PREX2: variants seen among roughly 807,000 people sequenced by gnomAD.
PREX2 encodes the protein phosphatidylinositol 3,4,5-trisphosphate-dependent Rac exchanger 2 protein.
Under a neutral mutation model 203.2 loss-of-function variants are expected in PREX2, and 107 were observed. The ratio of observed to expected loss-of-function variants is 0.53; its 90% CI spans 0.45 to 0.62. The LOEUF (loss-of-function observed/expected upper bound fraction) is 0.62, where lower values mean the gene tolerates loss of function less well. PREX2 is among the 20% of genes least tolerant of loss of function. PREX2 has a pLI of 0.00. For missense variants in PREX2, 1,777 were observed against 1,955.9 expected, an observed-to-expected ratio of 0.91 and a Z score of 1.72; for synonymous variants, 672 against 663.6, an observed-to-expected ratio of 1.01 and a Z score of -0.19.
intron 37 of PREX2, among the ~76,000 whole-genome samples, chr8:68,212,613 T>C (rs1171896504): frequency 6.6e-6 from 1 of 152,242 alleles, no homozygotes; most frequent in Non-Finnish European, 1.5e-5. Context: ...TTTTGTTACT[T>C]TATGAACTGC....
At chr8:68,129,953 T>A (rs1810969859) in intron 31 of PREX2, among the ~76,000 whole-genome samples, 1 of 151,642 alleles carries the variant, frequency 6.6e-6, no homozygotes, top group Admixed American at 6.6e-5. Context: ...CAGATGTGAT[T>A]TTTGCTGTAG....
chr8:68,181,525 C>T (rs1416139815), intron 35 of PREX2, among the ~76,000 whole-genome samples: 1 of 152,046 alleles, frequency 6.6e-6, no homozygotes, highest in African/African-American at 2.4e-5. Flanking sequence ...AGGGTAGAGA[C>T]CTGGTTTGTC....
intron 19 of PREX2, among the ~76,000 whole-genome samples, chr8:68,088,102 T>C (rs1283441525): frequency 2.3e-4 from 35 of 152,226 alleles, no homozygotes; most frequent in Non-Finnish European, 1.2e-4. Flanking sequence ...ATTTGTATTT[T>C]TCTTGATTTC....
At chr8:68,018,501 A>T (rs1807470298) in intron 2 of PREX2, among the ~76,000 whole-genome samples, 1 of 152,048 alleles carries the variant, frequency 6.6e-6, no homozygotes, top group Non-Finnish European at 1.5e-5. Context: ...AATGAATTGG[A>T]GGCTAAGAAC....
At chr8:68,209,523 A>G (rs62520563) in intron 37 of PREX2, among the ~76,000 whole-genome samples, 2,057 of 152,282 alleles carry the variant, frequency 0.014, 29 homozygotes, top group Non-Finnish European at 0.018. Flanking sequence ...CCTTATATAC[A>G]TAATCTCTGA....
intron 1 of PREX2, 146 bp downstream of exon 1, chr8:67,952,681 C>G (rs1483024929): frequency 8.7e-7 from 1 of 1,151,704 alleles, no homozygotes; most frequent in African/African-American, 1.5e-5. Flanking sequence ...CACGTGTGGA[C>G]TCTGCGTTCG....
At chr8:68,210,622 G>T (rs924838966) in intron 37 of PREX2, among the ~76,000 whole-genome samples, 1 of 152,200 alleles carries the variant, frequency 6.6e-6, no homozygotes. Flanking sequence ...CTCCCCAAGT[G>T]CTCAATAAAA....
In PREX2 at chr8:68,235,283, G is replaced by A. The variant is rs1377566996; in HGVS notation, c.*3905G>A. ...TACTTTACATTTTACTTTAAAGGTC[G>A]TTTTTAGACTTTATGCACTAGTGGT... On this transcript the variant is annotated 3_prime_UTR_variant, in exon 40 of 40. Coordinates refer to ENST00000288368, the MANE Select transcript of PREX2 (RefSeq NM_024870.4). 6.6e-6 allele frequency: 1 copy of A among 151,930 alleles called. No individual in the cohort carries two copies. The highest frequency in any genetic ancestry group is 2.4e-5 in the African/African-American group (1 of 41,364). The allele number at this position is 151,930 out of a possible 1,614,324, so 9.4% of individuals were successfully genotyped here.
intron 30 of PREX2, among the ~76,000 whole-genome samples, chr8:68,125,395 C>A (rs1810866249): frequency 6.6e-6 from 1 of 152,040 alleles, no homozygotes; most frequent in Admixed American, 6.6e-5. Flanking sequence ...TCAAAATACC[C>A]CATCTGTTAT....
chr8:67,976,686 G>C (rs1329923487), intron 1 of PREX2, among the ~76,000 whole-genome samples: 4 of 91,910 alleles, frequency 4.4e-5, no homozygotes, highest in Non-Finnish European at 6.8e-5. Flanking sequence ...AGAGACAGGA[G>C]AGAGACAGAG....
chr8:68,091,817 C>G (rs1190215427), intron 20 of PREX2, among the ~76,000 whole-genome samples: 1 of 152,068 alleles, frequency 6.6e-6, no homozygotes, highest in Non-Finnish European at 1.5e-5. Context: ...ATTTTCCCTG[C>G]CTACCCTCTT....
intron 15 of PREX2, 56 bp downstream of exon 15, chr8:68,077,525 G>A: frequency 8.7e-6 from 11 of 1,265,806 alleles, no homozygotes; most frequent in Non-Finnish European, 1.3e-5. Flanking sequence ...TTGGTTCTTA[G>A]GATACTGCAA....
intron 2 of PREX2, among the ~76,000 whole-genome samples, chr8:68,018,713 CTG>C (rs377502231): frequency 8.6e-4 from 130 of 151,830 alleles, no homozygotes; most frequent in African/African-American, 2.9e-3. Context: ...GGAAGGAAAA[CTG>C]TGAACAGTCT....
At chr8:68,129,716 T>C (rs1321884948) in intron 31 of PREX2, among the ~76,000 whole-genome samples, 1 of 152,132 alleles carries the variant, frequency 6.6e-6, no homozygotes, top group Admixed American at 6.6e-5. Context: ...TAGTGTAATT[T>C]AAAACATGTG....
At chr8:68,092,862 C>T (rs1809924162) in intron 20 of PREX2, among the ~76,000 whole-genome samples, 1 of 152,138 alleles carries the variant, frequency 6.6e-6, no homozygotes, top group African/African-American at 2.4e-5. Flanking sequence ...CTACGTTGCT[C>T]AGGTTGGTCT....
intron 25 of PREX2, among the ~76,000 whole-genome samples, chr8:68,110,295 C>T (rs1810511256): frequency 6.6e-6 from 1 of 152,180 alleles, no homozygotes; most frequent in South Asian, 2.1e-4. Context: ...CGATGCTTCA[C>T]ATCTAGTCCA....
Position 68,118,616 on chromosome 8 carries a change from G to A in PREX2, c.3393G>A (p.Ser1131=), listed in dbSNP as rs374174713. Residue 1131 remains serine, a synonymous_variant, in exon 27 of 40, where the codon TCG becomes TCA. Transcript: ENST00000288368. Reference sequence around the variant, plus strand: ...GCATCTGCAGCAGCCAGTGCAGCTCGTATTTCCACAGTGATGAAATGGACT... The same window carrying A: ...GCATCTGCAGCAGCCAGTGCAGCTCATATTTCCACAGTGATGAAATGGACT... ...FTSICSSQCS[S]YFHSDEMDSG... 1.2e-5 allele frequency: 20 copies of A among 1,613,784 alleles called. No homozygotes were observed. The highest frequency in any genetic ancestry group is 6.7e-5 in the East Asian group (3 of 44,882).
At chr8:67,980,588 G>A (rs1563482464) in intron 1 of PREX2, among the ~76,000 whole-genome samples, 2 of 152,144 alleles carry the variant, frequency 1.3e-5, no homozygotes, top group East Asian at 1.9e-4. Flanking sequence ...TTGCTGATAC[G>A]GTTTGGCTGT....
chr8:68,127,024 C>T (rs1810907230), intron 30 of PREX2, among the ~76,000 whole-genome samples: 1 of 151,944 alleles, frequency 6.6e-6, no homozygotes, highest in African/African-American at 2.4e-5. Flanking sequence ...GCTTGCAGAA[C>T]ACCAAGCAGG....
Sources: gnomAD v4.1 joint callset for allele counts (sites outside exome capture counted in the v4.1 genomes callset) on GRCh38, gnomAD v4.1.1 for gene constraint, MANE v1.5 for transcripts, NCBI Gene and HGNC (gene_info 2026-07-23, HGNC 2026-07-21) for gene names.